SLC1A7: variants seen among roughly 807,000 people sequenced by gnomAD.
SLC1A7 encodes solute carrier family 1 member 7, also known as excitatory amino acid transporter 5.
In SLC1A7, 40 loss-of-function variants were observed where a neutral mutation model predicts 47.7. The observed-to-expected ratio is 0.84, with a 90% CI of 0.65 to 1.09. The LOEUF (loss-of-function observed/expected upper bound fraction) is 1.09, where lower values mean the gene tolerates loss of function less well. Ranked by LOEUF, SLC1A7 falls within the 50% of genes least tolerant of loss-of-function variation. SLC1A7 has a pLI of 0.00. For missense variants in SLC1A7, 746 were observed against 769.5 expected, an observed-to-expected ratio of 0.97 and a Z score of 0.36; for synonymous variants, 323 against 325.6, an observed-to-expected ratio of 0.99 and a Z score of 0.09.
intron 5 of SLC1A7, among the ~76,000 whole-genome samples, chr1:53,094,662 G>A (rs981063558): frequency 6.6e-6 from 1 of 152,190 alleles, no homozygotes; most frequent in African/African-American, 2.4e-5. Flanking sequence ...AGGTGACCCT[G>A]GGCCTACCCC....
intron 2 of SLC1A7, among the ~76,000 whole-genome samples, chr1:53,133,310 T>C (rs1162579543): frequency 6.6e-6 from 1 of 152,220 alleles, no homozygotes; most frequent in East Asian, 1.9e-4. Flanking sequence ...CAGGGAAGGC[T>C]TCCTGAGGGA....
intron 2 of SLC1A7, among the ~76,000 whole-genome samples, chr1:53,120,153 G>A (rs1644803757): frequency 6.6e-6 from 1 of 152,190 alleles, no homozygotes; most frequent in African/African-American, 2.4e-5. Context: ...GGTGGGGGAA[G>A]GGAGGCAAAG....
intron 2 of SLC1A7, among the ~76,000 whole-genome samples, chr1:53,133,195 G>A (rs1174981172): frequency 6.6e-6 from 1 of 152,194 alleles, no homozygotes; most frequent in East Asian, 1.9e-4. Flanking sequence ...GTGTCGTACA[G>A]ATTCAGCAAC....
intron 2 of SLC1A7, among the ~76,000 whole-genome samples, chr1:53,122,704 C>T (rs1160405960): frequency 2.0e-5 from 3 of 152,150 alleles, no homozygotes; most frequent in Admixed American, 1.3e-4. Flanking sequence ...GAAATTCCTC[C>T]ACCACCTCTG....
At chr1:53,121,204 C>T (rs1441943247) in intron 2 of SLC1A7, among the ~76,000 whole-genome samples, 2 of 152,234 alleles carry the variant, frequency 1.3e-5, no homozygotes, top group Non-Finnish European at 2.9e-5. Context: ...CTGGCACAGG[C>T]CTGGGTGCAG....
chr1:53,094,048 C>T (rs1276165545), intron 5 of SLC1A7, among the ~76,000 whole-genome samples: 1 of 152,206 alleles, frequency 6.6e-6, no homozygotes, highest in Non-Finnish European at 1.5e-5. Flanking sequence ...ACTGGCTGCC[C>T]GCTCTCCAAA....
At position 53,091,945 on chromosome 1, in the gene SLC1A7, T is replaced by C. The variant is rs369976904; in HGVS notation, c.1031+609A>G. ...GAGGTCTCTGCACTGGGCTGAGGTT[T>C]GGGATCCTTAAGGCCAAGTGCTGGT... On this transcript the variant is annotated intron_variant, in intron 7 of 10. Transcript: ENST00000371494. 9.1e-4 allele frequency among the ~76,000 whole-genome samples: 139 copies of C among 152,344 alleles called. 2 individuals are homozygous for C. The South Asian group carries it at 0.028, about 30-fold the overall frequency.
At chr1:53,129,955 A>G (rs1644926063) in intron 2 of SLC1A7, among the ~76,000 whole-genome samples, 1 of 152,158 alleles carries the variant, frequency 6.6e-6, no homozygotes, top group Non-Finnish European at 1.5e-5. Context: ...CGACCCCTTG[A>G]CAGTGGCTTT....
At chr1:53,092,500 G>T in intron 7 of SLC1A7, 54 bp downstream of exon 7, 1 of 1,315,154 alleles carries the variant, frequency 7.6e-7, no homozygotes, top group Non-Finnish European at 1.1e-6. Flanking sequence ...TGGACAGACG[G>T]ACAGGGCTCA....
At chr1:53,092,307 C>A (rs1572293807) in intron 7 of SLC1A7, among the ~76,000 whole-genome samples, 1 of 152,248 alleles carries the variant, frequency 6.6e-6, no homozygotes, top group African/African-American at 2.4e-5. Context: ...CCTGGCGCGT[C>A]GAGGCCGCCC....
chr1:53,121,533 C>G (rs977400125), intron 2 of SLC1A7, among the ~76,000 whole-genome samples: 3 of 152,214 alleles, frequency 2.0e-5, no homozygotes, highest in Non-Finnish European at 4.4e-5. Flanking sequence ...CCTTTCTGGT[C>G]ATTTTAATCA....
At chr1:53,098,635 T>C (rs2150320497) in intron 5 of SLC1A7, among the ~76,000 whole-genome samples, 2 of 140,672 alleles carry the variant, frequency 1.4e-5, no homozygotes, top group Non-Finnish European at 1.5e-5. Context: ...CCTCAGTACG[T>C]TCACACACAC....
chr1:53,134,410 A>C lies in SLC1A7; in HGVS notation c.155T>G (p.Phe52Cys). ...LSPQEISYFQFPGELLMRMLK... is the reference protein window; with the variant it reads ...LSPQEISYFQCPGELLMRMLK... ...CATCCTCATCAGGAGCTCTCCAGGG[A>C]ACTGGAAGTAACTAATTTCCTGAAA... The change falls in exon 2 of 11, where the codon TTC becomes TGC. Residue 52 changes from phenylalanine (F) to cysteine (C), a missense_variant. Phe to Cys is a radical substitution (Grantham distance 205). Coordinates refer to ENST00000371494, the MANE Select transcript of SLC1A7 (RefSeq NM_006671.6). The C allele has an allele frequency of 1.9e-6, 3 of 1,611,944 alleles. No individual in the cohort carries two copies. The highest frequency in any genetic ancestry group is 2.5e-6 in the Non-Finnish European group (3 of 1,178,454).
intron 2 of SLC1A7, among the ~76,000 whole-genome samples, chr1:53,127,424 G>A (rs990377517): frequency 3.7e-4 from 56 of 152,310 alleles, no homozygotes; most frequent in African/African-American, 1.3e-3. Flanking sequence ...TCCAGGGAGA[G>A]AGGTGAGCAG....
chr1:53,101,531 A>C (rs1451871361), intron 5 of SLC1A7, among the ~76,000 whole-genome samples: 20 of 117,434 alleles, frequency 1.7e-4, no homozygotes, highest in African/African-American at 3.1e-4. Context: ...ACTCACCCTG[A>C]CTCGTCACAC....
intron 5 of SLC1A7, among the ~76,000 whole-genome samples, chr1:53,098,601 G>A (rs3766774): frequency 0.21 from 31,121 of 145,706 alleles, 3,340 homozygotes; most frequent in Middle Eastern, 0.32. Flanking sequence ...CATACACACC[G>A]CCTCAGTACA....
chr1:53,141,793 C>T (rs975982207), intron 1 of SLC1A7, among the ~76,000 whole-genome samples: 3 of 152,160 alleles, frequency 2.0e-5, no homozygotes, highest in African/African-American at 7.2e-5. Context: ...GTCTCCCAAG[C>T]TCCAAACTGG....
chr1:53,138,918 T>A (rs1206332426), intron 1 of SLC1A7, among the ~76,000 whole-genome samples: 2 of 152,164 alleles, frequency 1.3e-5, no homozygotes, highest in Non-Finnish European at 2.9e-5. Context: ...GGTAACTATA[T>A]CTTCACTCGC....
chr1:53,116,835 A>G (rs1288383), intron 2 of SLC1A7, among the ~76,000 whole-genome samples: 150,121 of 152,340 alleles, frequency 0.99, 74,007 homozygotes, highest in Middle Eastern at 1. Flanking sequence ...ATTCACGTGC[A>G]TTCAAACCTT....
Sources: gnomAD v4.1 joint callset for allele counts (sites outside exome capture counted in the v4.1 genomes callset) on GRCh38, gnomAD v4.1.1 for gene constraint, MANE v1.5 for transcripts, NCBI Gene and HGNC (gene_info 2026-07-23, HGNC 2026-07-21) for gene names.